NCOA7: variants seen among roughly 807,000 people sequenced by gnomAD.
The protein encoded by NCOA7 is nuclear receptor coactivator 7, also known as 140 kDa estrogen receptor-associated protein.
Under a neutral mutation model 104.3 loss-of-function variants are expected in NCOA7, and 45 were observed. The observed-to-expected ratio is 0.43, with a 90% CI of 0.34 to 0.55. The LOEUF (loss-of-function observed/expected upper bound fraction) is 0.55. Ranked by LOEUF, NCOA7 falls within the 20% of genes least tolerant of loss-of-function variation. The pLI is 0.02. For synonymous variants in NCOA7, 398 were observed against 402.3 expected (o/e 0.99, Z 0.13); for missense variants, 1,041 against 1,119.7 (o/e 0.93, Z 1.00).
Position 125,881,068 on chromosome 6 carries a change from A to G in NCOA7, c.460-22A>G, listed in dbSNP as rs748109648. The G allele has an allele frequency of 3.7e-5, 56 of 1,520,342 alleles. No individual in the cohort carries two copies. In the South Asian group the frequency reaches 5.2e-4, roughly 14 times the overall value. The allele number at this position is 1,520,342 out of a possible 1,614,324, so 94.2% of individuals were successfully genotyped here. ...TTTGCCTGGTTGCTGGTACTCACCC[A>G]TCTGTTCTCTCCCATTCTCAGGTCC... On this transcript the variant is annotated intron_variant, in intron 5 of 15. Transcript: ENST00000392477.
At chr6:125,892,260 T>G (rs1344322236) in intron 10 of NCOA7, among the ~76,000 whole-genome samples, 1 of 152,218 alleles carries the variant, frequency 6.6e-6, no homozygotes, top group African/African-American at 2.4e-5. Flanking sequence ...TTGCTGCAAC[T>G]GTCTGCACCA....
chr6:125,829,967 C>T (rs1430331647), intron 2 of NCOA7, among the ~76,000 whole-genome samples: 4 of 152,128 alleles, frequency 2.6e-5, no homozygotes, highest in Non-Finnish European at 5.9e-5. Context: ...ATATGGAGGT[C>T]GTGTGGGCTA....
chr6:125,875,010 T>A, intron 4 of NCOA7, 42 bp downstream of exon 4: 1 of 1,392,118 alleles, frequency 7.2e-7, no homozygotes, highest in Non-Finnish European at 1.0e-6. Flanking sequence ...TTAATAGCAC[T>A]ACATTTATAT....
At chr6:125,919,064 G>A (rs548824017) in intron 11 of NCOA7, among the ~76,000 whole-genome samples, 1 of 152,266 alleles carries the variant, frequency 6.6e-6, no homozygotes, top group Admixed American at 6.5e-5. Flanking sequence ...AATGAACAAT[G>A]GGGTTTTATC....
In NCOA7 at chr6:125,824,213, T is replaced by A. The variant is rs150414105; in HGVS notation, c.50+8809T>A. On this transcript the variant is annotated intron_variant, in intron 2 of 15. Coordinates refer to ENST00000392477, the MANE Select transcript of NCOA7 (RefSeq NM_181782.5). ...GTTCCTATAAACTAATTTCAACGAA[T>A]AATCACAAGCATGTTTCTGTTTAAC... Among the ~76,000 whole-genome samples, 21 of 152,358 alleles carry A rather than the reference T, an allele frequency of 1.4e-4. No individual in the cohort carries two copies. In the East Asian group the frequency reaches 4.0e-3, roughly 29 times the overall value.
chr6:125,857,405 A>T (rs1448353940), intron 3 of NCOA7, among the ~76,000 whole-genome samples: 1 of 150,116 alleles, frequency 6.7e-6, no homozygotes, highest in African/African-American at 2.5e-5. Flanking sequence ...ACTCAGCTAT[A>T]TATATACACA....
intron 1 of NCOA7, among the ~76,000 whole-genome samples, chr6:125,802,882 A>ATC: frequency 6.6e-6 from 1 of 152,196 alleles, no homozygotes; most frequent in South Asian, 2.1e-4. Flanking sequence ...AGATCCTTGC[A>ATC]CTTCTCCATG....
chr6:125,880,706 A>AT (rs1195630916), intron 5 of NCOA7, among the ~76,000 whole-genome samples: 1 of 151,440 alleles, frequency 6.6e-6, no homozygotes, highest in Non-Finnish European at 1.5e-5. Flanking sequence ...ATTTTTTTGT[A>AT]TTTTTAGTAA....
Position 125,912,627 on chromosome 6 carries a change from A to G in NCOA7, c.2097-2706A>G, listed in dbSNP as rs544305239. Among the ~76,000 whole-genome samples, 225 of 152,312 alleles carry G rather than the reference A, an allele frequency of 1.5e-3. 1 individual carries two copies. The highest frequency in any genetic ancestry group is 6.8e-3 in the Middle Eastern group (2 of 294). ...CAAAAGAGCACGTTGCATTAAGCACATGATTTACAGCTGTGATGGCTTAGC... is the reference window on the plus strand; with the variant it reads ...CAAAAGAGCACGTTGCATTAAGCACGTGATTTACAGCTGTGATGGCTTAGC... On this transcript the variant is annotated intron_variant, in intron 10 of 15. Coordinates refer to ENST00000392477, the MANE Select transcript of NCOA7 (RefSeq NM_181782.5).
Position 125,890,551 on chromosome 6 carries a change from G to A in NCOA7, c.1928-91G>A, listed in dbSNP as rs895195070. 4 of 1,256,654 alleles carry A rather than the reference G, an allele frequency of 3.2e-6. No individual in the cohort carries two copies. In the African/African-American group the frequency reaches 4.6e-5, roughly 14 times the overall value. 77.8% of individuals were successfully genotyped at this position (1,256,654 alleles called of 1,614,324 possible). On this transcript the variant is annotated intron_variant, in intron 9 of 15. Transcript: ENST00000392477. ...TGTTTCTGCAATGTTTTGACTAAGAGAGGATTGTGCACTATTTTTTTTAAG... is the reference window on the plus strand; with the variant it reads ...TGTTTCTGCAATGTTTTGACTAAGAAAGGATTGTGCACTATTTTTTTTAAG...
At chr6:125,841,552 G>A (rs969608199) in intron 2 of NCOA7, among the ~76,000 whole-genome samples, 1 of 151,978 alleles carries the variant, frequency 6.6e-6, no homozygotes, top group Non-Finnish European at 1.5e-5. Flanking sequence ...GATCAAGACC[G>A]TCTTGTGATT....
intron 2 of NCOA7, among the ~76,000 whole-genome samples, chr6:125,816,082 A>G (rs972051809): frequency 5.3e-5 from 8 of 152,218 alleles, no homozygotes; most frequent in South Asian, 2.1e-4. Flanking sequence ...TAAAAACATT[A>G]TGTTTCTCCT....
chr6:125,878,164 A>T, intron 4 of NCOA7, 99 bp from the exon 5 acceptor site: 1 of 598,164 alleles, frequency 1.7e-6, no homozygotes, highest in Non-Finnish European at 2.8e-6. Flanking sequence ...TGGAACTATT[A>T]GTTTGTTATT....
At chr6:125,913,111 T>C (rs1786732147) in intron 10 of NCOA7, among the ~76,000 whole-genome samples, 1 of 152,216 alleles carries the variant, frequency 6.6e-6, no homozygotes, top group Admixed American at 6.5e-5. Context: ...CAGAGTAGTT[T>C]ATTGTATAAC....
chr6:125,918,750 T>C (rs1787296008), intron 11 of NCOA7, among the ~76,000 whole-genome samples: 1 of 152,196 alleles, frequency 6.6e-6, no homozygotes, highest in Non-Finnish European at 1.5e-5. Flanking sequence ...GTAAACCAGA[T>C]GTTTTCCCAT....
chr6:125,830,735 A>G (rs552205705), intron 2 of NCOA7, among the ~76,000 whole-genome samples: 1,595 of 133,960 alleles, frequency 0.012, 16 homozygotes, highest in East Asian at 0.056. Flanking sequence ...ATATATATAT[A>G]TATGTGTGTG....
At chr6:125,798,407 AG>A (rs1045112770) in intron 1 of NCOA7, among the ~76,000 whole-genome samples, 1 of 152,244 alleles carries the variant, frequency 6.6e-6, no homozygotes, top group Admixed American at 6.5e-5. Flanking sequence ...ACAGAGAATT[AG>A]GTAAATTAAT....
At chr6:125,785,561 C>G (rs901436350) in intron 1 of NCOA7, among the ~76,000 whole-genome samples, 2 of 151,150 alleles carry the variant, frequency 1.3e-5, no homozygotes, top group Admixed American at 6.6e-5. Context: ...TTTCTTTTAC[C>G]CAGTAATACA....
At chr6:125,900,425 A>G (rs1018625865) in intron 10 of NCOA7, among the ~76,000 whole-genome samples, 3 of 152,228 alleles carry the variant, frequency 2.0e-5, no homozygotes, top group Admixed American at 2.0e-4. Context: ...TTATAACCAC[A>G]ACTGCTGTTT....
Sources: gnomAD v4.1 joint callset for allele counts (sites outside exome capture counted in the v4.1 genomes callset) on GRCh38, gnomAD v4.1.1 for gene constraint, MANE v1.5 for transcripts, NCBI Gene and HGNC (gene_info 2026-07-23, HGNC 2026-07-21) for gene names.